The following PRR12 variants were observed in gnomAD, a reference collection of about 807,000 sequenced individuals.
PRR12 encodes the protein proline-rich protein 12.
In PRR12, 12 loss-of-function variants were observed where a neutral mutation model predicts 138.0. That is an observed-to-expected ratio of 0.09 (90% CI 0.06 to 0.14). The LOEUF (loss-of-function observed/expected upper bound fraction) is 0.14, where lower values mean the gene tolerates loss of function less well. Among genes scored for constraint, PRR12 ranks in the 10% least tolerant of loss-of-function variants. PRR12 has a pLI of 1.00. For synonymous variants in PRR12, 1,567 were observed against 1,291.7 expected, an observed-to-expected ratio of 1.21 and a Z score of -4.57; for missense variants, 2,692 against 2,861.3, an observed-to-expected ratio of 0.94 and a Z score of 1.35.
intron 8 of PRR12, 88 bp from the exon 9 acceptor site, chr19:49,615,659 C>T (rs2080888285): frequency 2.8e-6 from 3 of 1,085,818 alleles, no homozygotes; most frequent in Non-Finnish European, 2.7e-6. Flanking sequence ...GAAGCTATTC[C>T]TGTGCCTAGG....
At chr19:49,591,805 GGCCGGGCCGGGCCC>G (rs1380851902) in intron 1 of PRR12, 65 bp downstream of exon 1, 3 of 983,162 alleles carry the variant, frequency 3.1e-6, no homozygotes, top group Non-Finnish European at 4.1e-6. Flanking sequence ...GGCCGGGCCG[GGCCGGGCCGGGCCC>G]GCCCGGCGAC....
At chr19:49,617,696 G>A (rs1372171641) in intron 9 of PRR12, among the ~76,000 whole-genome samples, 1 of 152,140 alleles carries the variant, frequency 6.6e-6, no homozygotes, top group East Asian at 1.9e-4. Flanking sequence ...ATGGTACCTG[G>A]TCAGGGCCAC....
At chr19:49,593,573 C>A (rs375287291) in intron 2 of PRR12, 134 bp downstream of exon 2, 3 of 578,088 alleles carry the variant, frequency 5.2e-6, no homozygotes, top group South Asian at 2.0e-5. Flanking sequence ...TGTGTCTCCT[C>A]TGATTGGTTG....
At position 49,591,240 on chromosome 19, in the gene PRR12, AGGCGGCGGC is replaced by A. The variant is rs541946162; in HGVS notation, c.-404_-396del. The stretch of plus-strand genomic sequence containing the variant: ...TGCACCGTGAGCGCAGAGGAGGAGG[AGGCGGCGGC>A]GGCGGCGGCGAGAGAGCGAGCACCC... On this transcript the variant is annotated 5_prime_UTR_variant, in exon 1 of 14. Coordinates refer to ENST00000418929, the MANE Select transcript of PRR12 (RefSeq NM_020719.3). Among the ~76,000 whole-genome samples the A allele has an allele frequency of 1.0e-3, 134 of 128,822 alleles. No homozygotes were observed. Among genetic ancestry groups the A allele is most frequent in the African/African-American group, 3.9e-3 (131 of 33,906 alleles). The allele number at this position is 128,822 out of a possible 152,430, so 84.5% of individuals were successfully genotyped here.
chr19:49,625,270 G>C lies in PRR12; in HGVS notation c.5964+70G>C. On this transcript the variant is annotated intron_variant, in intron 13 of 13. Coordinates refer to ENST00000418929, the MANE Select transcript of PRR12 (RefSeq NM_020719.3). This position sits in a 1 kb window ranked among gnomAD's most constrained non-coding sequence, Gnocchi z 5.5. ...TCTGACTTCCTCTTGGGATCTGAGGGTCCAAGCCCAGCCCCATCCTGCCTC... is the reference window on the plus strand; with the variant it reads ...TCTGACTTCCTCTTGGGATCTGAGGCTCCAAGCCCAGCCCCATCCTGCCTC... 6.5e-7 allele frequency: 1 copy of C among 1,543,000 alleles called. No individual in the cohort carries two copies. Among genetic ancestry groups the C allele is most frequent in the Non-Finnish European group, 8.9e-7 (1 of 1,121,722 alleles).
intron 2 of PRR12, 83 bp downstream of exon 2, chr19:49,593,522 C>G (rs1250314120): frequency 2.9e-6 from 2 of 685,434 alleles, no homozygotes; most frequent in East Asian, 5.6e-5. Flanking sequence ...AGTTCCGCCC[C>G]TCCTAATTGG....
chr19:49,607,062 C>A (rs187287373), intron 6 of PRR12, among the ~76,000 whole-genome samples: 2 of 151,060 alleles, frequency 1.3e-5, no homozygotes, highest in East Asian at 3.9e-4. Context: ...TTTGGGAGGA[C>A]GAGGCAGGAT....
chr19:49,593,601 C>T (rs540869382), intron 2 of PRR12, among the ~76,000 whole-genome samples, 162 bp downstream of exon 2: 4 of 151,954 alleles, frequency 2.6e-5, no homozygotes, highest in Non-Finnish European at 5.9e-5. Context: ...GGCTGCTGGT[C>T]GCTGCTTCAT....
At chr19:49,593,226 G>C (rs2122280539) in intron 1 of PRR12, 101 bp from the exon 2 acceptor site, 2 of 536,552 alleles carry the variant, frequency 3.7e-6, no homozygotes, top group Non-Finnish European at 3.3e-6. Flanking sequence ...CCCCACCCCG[G>C]TCAGCTGGAA....
intron 6 of PRR12, among the ~76,000 whole-genome samples, chr19:49,609,238 A>C (rs2122338726): frequency 1.3e-5 from 2 of 152,276 alleles, no homozygotes; most frequent in Middle Eastern, 6.8e-3. Flanking sequence ...TTGAGAGGTC[A>C]AGGCTGCAGT....
rs1390703717 is a variant in PRR12 at position 49,595,503 on chromosome 19, A to G, written c.1168A>G (p.Lys390Glu). ...CCCCATCATTCAGTCGCCTGGGTAC[A>G]AGACGGGCAAAGGTGGTTATGGAGC... ...YRPIIQSPGY[K>E]TGKGGYGAAA... Residue 390 changes from lysine to glutamate, a missense_variant, in exon 4 of 14, where the codon AAG becomes GAG. Coordinates refer to ENST00000418929, the MANE Select transcript of PRR12 (RefSeq NM_020719.3). 2 of 1,560,864 alleles carry G rather than the reference A, an allele frequency of 1.3e-6. No homozygotes were observed. Among genetic ancestry groups the G allele is most frequent in the Non-Finnish European group, 1.7e-6 (2 of 1,153,406 alleles).
chr19:49,604,242 C>T (rs972196846), intron 6 of PRR12, among the ~76,000 whole-genome samples: 2 of 151,904 alleles, frequency 1.3e-5, no homozygotes, highest in Admixed American at 1.3e-4. Flanking sequence ...GTGGCTCACA[C>T]CTGTGATCCC....
chr19:49,610,993 C>G (rs2080863108), intron 6 of PRR12, among the ~76,000 whole-genome samples: 1 of 151,748 alleles, frequency 6.6e-6, no homozygotes, highest in South Asian at 2.1e-4. Context: ...CAGGCATGCA[C>G]CATCATGCCC....
intron 6 of PRR12, among the ~76,000 whole-genome samples, chr19:49,609,309 A>T (rs961133728): frequency 5.9e-5 from 9 of 152,138 alleles, no homozygotes; most frequent in African/African-American, 2.2e-4. Context: ...GTCTCAAAAA[A>T]GAAAAAGTTG....
At chr19:49,622,619 C>T (rs1177970147) in intron 11 of PRR12, among the ~76,000 whole-genome samples, 1 of 144,198 alleles carries the variant, frequency 6.9e-6, no homozygotes, top group African/African-American at 2.6e-5. Context: ...AGGCCAGGCG[C>T]GGTGGCTCAC....
intron 6 of PRR12, among the ~76,000 whole-genome samples, chr19:49,611,848 G>C (rs1202560517): frequency 1.4e-5 from 2 of 144,954 alleles, no homozygotes; most frequent in African/African-American, 5.4e-5. Flanking sequence ...GCGTGAACCC[G>C]GGAGGCGGAG....
At chr19:49,602,872 CCTTAAATA>C (rs546450067) in intron 6 of PRR12, among the ~76,000 whole-genome samples, 1 of 152,214 alleles carries the variant, frequency 6.6e-6, no homozygotes, top group Non-Finnish European at 1.5e-5. Flanking sequence ...TCAATATTTA[CCTTAAATA>C]CTTAAATACG....
At chr19:49,611,246 C>T (rs967639200) in intron 6 of PRR12, among the ~76,000 whole-genome samples, 5 of 152,080 alleles carry the variant, frequency 3.3e-5, no homozygotes, top group African/African-American at 1.2e-4. Flanking sequence ...AGGAGGATCA[C>T]TTGAGCCTAG....
At chr19:49,602,965 C>A (rs58373241) in intron 6 of PRR12, among the ~76,000 whole-genome samples, 1,889 of 152,364 alleles carry the variant, frequency 0.012, 22 homozygotes, top group African/African-American at 0.04. Context: ...GGCCCCTAGG[C>A]CAAATCCAGC....
Sources: allele counts gnomAD v4.1 joint callset (sites outside exome capture counted in the v4.1 genomes callset), GRCh38; gene constraint gnomAD v4.1.1; non-coding constraint Gnocchi (gnomAD v3.1); transcripts MANE v1.5; gene names NCBI Gene and HGNC (gene_info 2026-07-23, HGNC 2026-07-21).